NETO2: variants seen among roughly 807,000 people sequenced by gnomAD.
The protein encoded by NETO2 is neuropilin and tolloid-like protein 2.
A neutral mutation model predicts 62.5 loss-of-function variants in NETO2; 28 were observed. The observed-to-expected ratio is 0.45, with a 90% CI of 0.33 to 0.61. The LOEUF (loss-of-function observed/expected upper bound fraction) is 0.61. Ranked by LOEUF, NETO2 falls within the 20% of genes least tolerant of loss-of-function variation. The pLI is 0.02. For synonymous variants in NETO2, 214 were observed against 219.1 expected, an observed-to-expected ratio of 0.98 and a Z score of 0.21; for missense variants, 548 against 643.2, an observed-to-expected ratio of 0.85 and a Z score of 1.60.
intron 7 of NETO2, among the ~76,000 whole-genome samples, chr16:47,108,603 T>A (rs994406918): frequency 1.3e-5 from 2 of 152,146 alleles, no homozygotes; most frequent in African/African-American, 4.8e-5. Context: ...ACTGGCTAGC[T>A]AGTACTCTTG....
At chr16:47,096,754 C>T (rs899422634) in intron 7 of NETO2, among the ~76,000 whole-genome samples, 1 of 152,126 alleles carries the variant, frequency 6.6e-6, no homozygotes, top group Non-Finnish European at 1.5e-5. Flanking sequence ...GCAAGATGGC[C>T]GAATAGGAAC....
chr16:47,134,811 C>T (rs1483995129), intron 1 of NETO2, among the ~76,000 whole-genome samples: 1 of 152,180 alleles, frequency 6.6e-6, no homozygotes, highest in Non-Finnish European at 1.5e-5. Flanking sequence ...TAAAAATGTG[C>T]TTGTATAAAA....
In NETO2 at chr16:47,079,974, A is replaced by G. The variant is rs1407855365; in HGVS notation, c.*3247T>C. 6.6e-6 allele frequency: 1 copy of G among 152,250 alleles called. No individual in the cohort carries two copies. The highest frequency in any genetic ancestry group is 1.9e-4 in the East Asian group (1 of 5,202). The allele number at this position is 152,250 out of a possible 1,614,324, so 9.4% of individuals were successfully genotyped here. A position where few individuals can be genotyped will look rare whatever the true frequency, so the allele number is the denominator to read the frequency against. ...TCATCAGACATTGGCAGAACCATAC[A>G]AATGTTCAGAGGCAGACTTTCAGGA... On this transcript the variant is annotated 3_prime_UTR_variant, in exon 9 of 9. Transcript: ENST00000562435.
chr16:47,108,784 A>G (rs891133820), intron 7 of NETO2, among the ~76,000 whole-genome samples: 1 of 152,200 alleles, frequency 6.6e-6, no homozygotes, highest in African/African-American at 2.4e-5. Flanking sequence ...TATCTGTGTT[A>G]ATTTTCAGTT....
intron 6 of NETO2, among the ~76,000 whole-genome samples, chr16:47,111,164 A>G (rs1000127005): frequency 6.6e-6 from 1 of 152,180 alleles, no homozygotes; most frequent in African/African-American, 2.4e-5. Context: ...TTCCAATGGA[A>G]GGTCACTGGC....
chr16:47,139,317 A>ATGTGACCT, intron 1 of NETO2, among the ~76,000 whole-genome samples: 1 of 152,184 alleles, frequency 6.6e-6, no homozygotes, highest in East Asian at 1.9e-4. Flanking sequence ...GCTTTTTTAA[A>ATGTGACCT]TGCGAGCACA....
rs1360655425 is a variant in NETO2 at position 47,082,018 on chromosome 16, TCTTTCATCTTGATTTAA to T, written c.*1186_*1202del. ...CACTGAAAGGAATCTGTCCTGTAGG[TCTTTCATCTTGATTTAA>T]TAAAGTTTGTACAGTATCAAATAAT... is the stretch of plus-strand genomic sequence containing the variant. On this transcript the variant is annotated 3_prime_UTR_variant, in exon 9 of 9. Transcript: ENST00000562435. 1 of 152,644 alleles carries T rather than the reference TCTTTCATCTTGATTTAA, an allele frequency of 6.6e-6. No homozygotes were observed. Among genetic ancestry groups the T allele is most frequent in the African/African-American group, 2.4e-5 (1 of 41,464 alleles). 9.5% of individuals were successfully genotyped at this position (152,644 alleles called of 1,614,324 possible).
intron 7 of NETO2, 127 bp from the exon 8 acceptor site, chr16:47,086,466 C>T: frequency 1.6e-6 from 1 of 628,564 alleles, no homozygotes; most frequent in Non-Finnish European, 2.8e-6. Flanking sequence ...AAACTCTGTA[C>T]TATTCAAACA....
At chr16:47,110,101 CT>C (rs1426890798) in intron 6 of NETO2, among the ~76,000 whole-genome samples, 2 of 152,158 alleles carry the variant, frequency 1.3e-5, no homozygotes, top group Admixed American at 1.3e-4. Context: ...TCTTTTCACT[CT>C]TTCTGCACAT....
At chr16:47,094,134 C>T (rs1035072447) in intron 7 of NETO2, among the ~76,000 whole-genome samples, 3 of 151,912 alleles carry the variant, frequency 2.0e-5, no homozygotes, top group African/African-American at 7.3e-5. Context: ...AAGTTAAGGG[C>T]CATTCAAATT....
intron 7 of NETO2, among the ~76,000 whole-genome samples, chr16:47,095,852 A>G (rs1002795308): frequency 4.6e-5 from 7 of 152,212 alleles, no homozygotes; most frequent in Admixed American, 3.9e-4. Context: ...TAACAGAAAA[A>G]TGTAATTTTT....
rs574900828 is a variant in NETO2 at position 47,080,977 on chromosome 16, T to C, written c.*2244A>G. ...TACTGTCTAAATGTTACTTGCTACATTGACTCGTATAAAACTGTGTACTTC... is the reference window on the plus strand; with the variant it reads ...TACTGTCTAAATGTTACTTGCTACACTGACTCGTATAAAACTGTGTACTTC... On this transcript the variant is annotated 3_prime_UTR_variant, in exon 9 of 9. Transcript: ENST00000562435. 34 of 150,778 alleles carry C rather than the reference T, an allele frequency of 2.3e-4. No individual in the cohort carries two copies. The highest frequency in any genetic ancestry group is 1.8e-3 in the Admixed American group (28 of 15,274). The allele number at this position is 150,778 out of a possible 1,614,324, so 9.3% of individuals were successfully genotyped here.
chr16:47,128,767 TC>T (rs1230062539), intron 3 of NETO2, among the ~76,000 whole-genome samples, 194 bp from the exon 4 acceptor site: 1 of 152,220 alleles, frequency 6.6e-6, no homozygotes, highest in Non-Finnish European at 1.5e-5. Flanking sequence ...ACTATAGTAA[TC>T]TTTTCCATTG....
In NETO2 at chr16:47,083,343, T is replaced by C; in HGVS notation, c.1456A>G (p.Lys486Glu). 1 of 1,614,256 alleles carries C rather than the reference T, an allele frequency of 6.2e-7. No individual in the cohort carries two copies. The highest frequency in any genetic ancestry group is 8.5e-7 in the Non-Finnish European group (1 of 1,180,042). The change falls in exon 9 of 9, where the codon AAA (lysine) becomes GAA (glutamate). Residue 486 changes from lysine (K) to glutamate (E), a missense_variant. Physicochemically the swap from Lys to Glu is moderately conservative, Grantham distance 56. Coordinates refer to ENST00000562435, the MANE Select transcript of NETO2 (RefSeq NM_018092.5). ...STFKKSSYTF[K>E]QGHECPEQAL... ...TGCTCAGGGCACTCATGTCCCTGTT[T>C]GAAAGTGTAACTACTTTTCTTGAAG...
intron 1 of NETO2, among the ~76,000 whole-genome samples, chr16:47,138,791 T>TAG (rs773925741): frequency 7.1e-4 from 108 of 152,338 alleles, no homozygotes; most frequent in Non-Finnish European, 9.4e-4. Context: ...TCTGTGCCCC[T>TAG]TACTCTGACT....
intron 4 of NETO2, among the ~76,000 whole-genome samples, chr16:47,125,920 A>AT (rs1303816528): frequency 1.3e-5 from 2 of 152,126 alleles, no homozygotes; most frequent in African/African-American, 4.8e-5. Context: ...AACCATCACC[A>AT]TTTTTTTATT....
chr16:47,123,107 C>A (rs1277905102), intron 4 of NETO2, among the ~76,000 whole-genome samples, 195 bp from the exon 5 acceptor site: 1 of 152,084 alleles, frequency 6.6e-6, no homozygotes, highest in Non-Finnish European at 1.5e-5. Flanking sequence ...ATTTTTGATT[C>A]CATAGTGAAT....
chr16:47,093,728 A>G (rs1963364100), intron 7 of NETO2, among the ~76,000 whole-genome samples: 4 of 152,234 alleles, frequency 2.6e-5, no homozygotes, highest in Non-Finnish European at 5.9e-5. Flanking sequence ...ATATGGTCAT[A>G]AACAGTCATG....
chr16:47,122,075 A>C (rs1964050328), intron 6 of NETO2, among the ~76,000 whole-genome samples: 1 of 152,174 alleles, frequency 6.6e-6, no homozygotes, highest in South Asian at 2.1e-4. Context: ...CATTAAATAT[A>C]ATTTTAACTC....
Sources: gnomAD v4.1 joint callset for allele counts (sites outside exome capture counted in the v4.1 genomes callset) on GRCh38, gnomAD v4.1.1 for gene constraint, MANE v1.5 for transcripts, NCBI Gene and HGNC (gene_info 2026-07-23, HGNC 2026-07-21) for gene names.